Variants in DST observed in about 807,000 individuals in gnomAD.
The protein encoded by DST is dystonin.
A neutral mutation model predicts 875.2 loss-of-function variants in DST; 253 were observed. The ratio of observed to expected loss-of-function variants is 0.29; its 90% confidence interval spans 0.26 to 0.32. The LOEUF (loss-of-function observed/expected upper bound fraction) is 0.32. Ranked by LOEUF, DST falls within the 10% of genes least tolerant of loss-of-function variation. DST has a pLI of 1.00. For missense variants in DST, 8,287 were observed against 9,111.6 expected (o/e 0.91, Z 3.68); for synonymous variants, 3,124 against 3,197.1 (o/e 0.98, Z 0.77).
At chr6:56,718,374 A>G (rs1279312594) in intron 5 of DST, among the ~76,000 whole-genome samples, 1 of 152,240 alleles carries the variant, frequency 6.6e-6, no homozygotes, top group African/African-American at 2.4e-5. Flanking sequence ...AACACTTCAC[A>G]CCTTCTAGGA....
intron 50 of DST, among the ~76,000 whole-genome samples, chr6:56,577,837 T>G (rs907752357): frequency 1.3e-5 from 2 of 152,194 alleles, no homozygotes; most frequent in Non-Finnish European, 2.9e-5. Context: ...GATAATCCAC[T>G]GCACATTTGG....
chr6:56,617,081 A>C (rs2098633991), intron 36 of DST: 4 of 1,614,048 alleles, frequency 2.5e-6, no homozygotes, highest in Middle Eastern at 1.6e-4. Context: ...AAACTTGTTA[A>C]GAGTTTTCTG....
intron 69 of DST, among the ~76,000 whole-genome samples, chr6:56,524,215 T>C (rs952686782): frequency 6.6e-6 from 1 of 152,152 alleles, no homozygotes; most frequent in African/African-American, 2.4e-5. Flanking sequence ...TGGAAACTTA[T>C]CTTTTAAGTG....
chr6:56,586,000 G>A (rs951679697), intron 49 of DST, among the ~76,000 whole-genome samples: 1 of 152,206 alleles, frequency 6.6e-6, no homozygotes, highest in African/African-American at 2.4e-5. Context: ...TTGCTGAGGA[G>A]AGCTTTACTT....
intron 36 of DST, chr6:56,620,843 C>G (rs2098684824): frequency 1.2e-6 from 1 of 815,856 alleles, no homozygotes; most frequent in African/African-American, 1.7e-5. Flanking sequence ...CTATCACCAC[C>G]ACCAGCAGCA....
chr6:56,589,776 T>C (rs182781787), intron 49 of DST, among the ~76,000 whole-genome samples: 45 of 152,356 alleles, frequency 3.0e-4, no homozygotes, highest in African/African-American at 8.4e-4. Context: ...TAGTATCAGA[T>C]TGTTGACAAC....
In DST at chr6:56,816,502, GCA is replaced by G. The variant is rs1437741285; in HGVS notation, c.625+34893_625+34894del. Among the ~76,000 whole-genome samples, 5 of 152,308 alleles carry G rather than the reference GCA, an allele frequency of 3.3e-5. No homozygotes were observed. In the East Asian group the frequency reaches 9.6e-4, roughly 29 times the overall value. On this transcript the variant is annotated intron_variant, in intron 4 of 103. Transcript: ENST00000680361. Reference sequence around the variant, plus strand: ...CACCCAAAAGCTGTGGCATGTGTAAGCACACTTATCTTTGTCCCTAATGTATT... The same window carrying G: ...CACCCAAAAGCTGTGGCATGTGTAAGCACTTATCTTTGTCCCTAATGTATT...
intron 58 of DST, 147 bp downstream of exon 58, chr6:56,560,147 G>T: frequency 1.3e-6 from 1 of 754,374 alleles, no homozygotes; most frequent in Non-Finnish European, 2.0e-6. Flanking sequence ...AATTTGAAAT[G>T]ACACTTTATG....
intron 5 of DST, among the ~76,000 whole-genome samples, chr6:56,706,463 C>A (rs922273957): frequency 6.6e-6 from 1 of 152,178 alleles, no homozygotes; most frequent in African/African-American, 2.4e-5. Flanking sequence ...AGAGATGAAT[C>A]AATTTTCAAG....
At position 56,606,298 on chromosome 6, in the gene DST, T is replaced by C. The variant is rs1310481397; in HGVS notation, c.8330A>G (p.Glu2777Gly). 6.2e-7 allele frequency: 1 copy of C among 1,600,976 alleles called. No homozygotes were observed. The highest frequency in any genetic ancestry group is 8.5e-7 in the Non-Finnish European group (1 of 1,172,948). Residue 2777 changes from glutamate (E) to glycine (G), a missense_variant, in exon 40 of 104, where the codon GAA becomes GGA. Physicochemically the swap from Glu to Gly is moderately conservative, Grantham distance 98. Transcript: ENST00000680361. ...GRKEEYVTGQ[E>G]FHSDTDHLDS... ...TAAATGATCAGTATCGGAGTGAAAT[T>C]CCTGTCCAGTTACATACTCTTCCTT...
rs2096968556 is a variant in DST, at chr6:56,535,043, A to G, written c.16941+79T>C. 1.1e-5 allele frequency: 17 copies of G among 1,520,684 alleles called. No individual in the cohort carries two copies. In the South Asian group the frequency reaches 1.9e-4, roughly 17 times the overall value. 94.2% of individuals were successfully genotyped at this position (1,520,684 alleles called of 1,614,324 possible). A position where few individuals can be genotyped will look rare whatever the true frequency, so the allele number is the denominator to read the frequency against. On this transcript the variant is annotated intron_variant, in intron 63 of 103. Coordinates refer to ENST00000680361, the MANE Select transcript of DST (RefSeq NM_001374736.1). ...GGTTAACTAGGTTATCCTATTAATT[A>G]AAAGAGTCACAATTTGCATTTTTTC...
chr6:56,530,305 A>C (rs1411918507), intron 64 of DST, among the ~76,000 whole-genome samples, 172 bp from the exon 65 acceptor site: 1 of 152,190 alleles, frequency 6.6e-6, no homozygotes, highest in Non-Finnish European at 1.5e-5. Flanking sequence ...TCTTCTGTTA[A>C]AAAAAATTAA....
At chr6:56,760,820 T>C (rs560848187) in intron 4 of DST, among the ~76,000 whole-genome samples, 1 of 152,324 alleles carries the variant, frequency 6.6e-6, no homozygotes, top group African/African-American at 2.4e-5. Context: ...ATAAAGTGGA[T>C]AGTATAATTA....
intron 2 of DST, among the ~76,000 whole-genome samples, chr6:56,927,532 G>A (rs1261989220): frequency 1.3e-5 from 2 of 152,134 alleles, no homozygotes; most frequent in African/African-American, 2.4e-5. Flanking sequence ...AGAATCAGTA[G>A]TGCATTAAAA....
chr6:56,522,911 T>C (rs912400520), intron 69 of DST, among the ~76,000 whole-genome samples: 1 of 152,146 alleles, frequency 6.6e-6, no homozygotes, highest in African/African-American at 2.4e-5. Flanking sequence ...CTGTACATTT[T>C]TCAAGTAAAA....
rs751495813 is a variant in DST at position 56,508,724 on chromosome 6, G to C, written c.19044C>G (p.Phe6348Leu). 1 of 1,613,526 alleles carries C rather than the reference G, an allele frequency of 6.2e-7. No individual in the cohort carries two copies. The highest frequency in any genetic ancestry group is 8.5e-7 in the Non-Finnish European group (1 of 1,179,710). The stretch of plus-strand genomic sequence containing the variant: ...CCAGTGTGTGTATGTTCTCCCAAAT[G>C]AAAACCATTTGGTCAAGCTTATCCT... Reference protein sequence around the residue: ...AVQDKLDQMVFIWENIHTLVE... With the variant: ...AVQDKLDQMVLIWENIHTLVE... The change falls in exon 75 of 104, where the codon TTC (phenylalanine) becomes TTG (leucine). Residue 6348 changes from phenylalanine (F) to leucine (L), a missense_variant. Transcript: ENST00000680361.
In DST at chr6:56,578,940, G is replaced by A. The variant is rs776034819; in HGVS notation, c.12904-3C>T. On this transcript the variant is annotated splice_polypyrimidine_tract_variant and splice_region_variant and intron_variant, in intron 49 of 103. Transcript: ENST00000680361. ...CTTGATATCTGTCCTTGCAAAGCCT[G>A]TAGGATTAAACGCTTTTCAATTATA... 8.2e-6 allele frequency: 13 copies of A among 1,586,434 alleles called. No individual in the cohort carries two copies. Among genetic ancestry groups the A allele is most frequent in the Non-Finnish European group, 1.1e-5 (13 of 1,164,954 alleles).
intron 4 of DST, among the ~76,000 whole-genome samples, chr6:56,788,205 C>T (rs1316238544): frequency 3.7e-5 from 5 of 136,350 alleles, no homozygotes; most frequent in Non-Finnish European, 6.3e-5. Context: ...GTATTAAGTT[C>T]TTCTTTTTTT....
chr6:56,499,051 C>T (rs1345063216), intron 80 of DST, among the ~76,000 whole-genome samples: 1 of 152,080 alleles, frequency 6.6e-6, no homozygotes, highest in Non-Finnish European at 1.5e-5. Context: ...TGAGTATAGC[C>T]TTAGTAATAT....
Sources: gnomAD v4.1 joint callset for allele counts (sites outside exome capture counted in the v4.1 genomes callset) on GRCh38, gnomAD v4.1.1 for gene constraint, MANE v1.5 for transcripts, NCBI Gene and HGNC (gene_info 2026-07-23, HGNC 2026-07-21) for gene names.